The following AGAP1 variants were observed in gnomAD, a reference collection of about 807,000 sequenced individuals.
The protein encoded by AGAP1 is arf-GAP with GTPase, ANK repeat and PH domain-containing protein 1.
Under a neutral mutation model 105.3 loss-of-function variants are expected in AGAP1, and 29 were observed. The ratio of observed to expected loss-of-function variants is 0.28; its 90% CI spans 0.21 to 0.38. The LOEUF (loss-of-function observed/expected upper bound fraction) is 0.38. Among genes scored for constraint, AGAP1 ranks in the 10% least tolerant of loss-of-function variants. The pLI, the probability that AGAP1 is intolerant of heterozygous loss-of-function variation, is 1.00. For synonymous variants in AGAP1, 509 were observed against 485.9 expected (o/e 1.05, Z -0.63); for missense variants, 998 against 1,165.1 (o/e 0.86, Z 2.09).
intron 16 of AGAP1, among the ~76,000 whole-genome samples, chr2:236,071,680 C>A (rs975627109): frequency 6.6e-6 from 1 of 152,196 alleles, no homozygotes; most frequent in Non-Finnish European, 1.5e-5. Context: ...TTGGGCTGAT[C>A]TGTCTGAAAG....
chr2:235,598,988 C>T (rs944312133), intron 1 of AGAP1, among the ~76,000 whole-genome samples: 5 of 152,164 alleles, frequency 3.3e-5, no homozygotes, highest in Non-Finnish European at 7.3e-5. Context: ...AGCCTGTCTT[C>T]CTCTTGTTGA....
At position 235,872,551 on chromosome 2, in the gene AGAP1, G is replaced by A. The variant is rs923930215; in HGVS notation, c.1051-10794G>A. ...TGAGCATCTCAGGCAGAGCCTTCCG[G>A]CCTCTGTCATCTTCTGGCCAGTAGG... On this transcript the variant is annotated intron_variant, in intron 9 of 17. Transcript: ENST00000304032. The surrounding 1 kb of genome is among the most constrained non-coding windows in gnomAD (Gnocchi z 4.5). Among the ~76,000 whole-genome samples the A allele has an allele frequency of 1.3e-5, 2 of 152,186 alleles. No homozygotes were observed. The highest frequency in any genetic ancestry group is 4.8e-5 in the African/African-American group (2 of 41,430).
At chr2:235,624,533 A>G (rs981164234) in intron 1 of AGAP1, among the ~76,000 whole-genome samples, 1 of 152,206 alleles carries the variant, frequency 6.6e-6, no homozygotes, top group Admixed American at 6.5e-5. Context: ...TCCATTTAGA[A>G]CTTAAAATAT....
At chr2:235,607,421 T>C (rs1945981035) in intron 1 of AGAP1, among the ~76,000 whole-genome samples, 1 of 152,226 alleles carries the variant, frequency 6.6e-6, no homozygotes, top group African/African-American at 2.4e-5. Flanking sequence ...AGTCTACCTT[T>C]AGGGCTCCCC....
In AGAP1 at chr2:235,559,642, A is replaced by C. The variant is rs1304789113; in HGVS notation, c.163+64793A>C. Among the ~76,000 whole-genome samples the C allele has an allele frequency of 6.6e-6, 1 of 152,008 alleles. No individual in the cohort carries two copies. Among genetic ancestry groups the C allele is most frequent in the Non-Finnish European group, 1.5e-5 (1 of 68,018 alleles). ...ATATGTTACGTTATAGCCTCCCAGA[A>C]ATTTTCTATACCCCTGAAATTTAAC... On this transcript the variant is annotated intron_variant, in intron 1 of 17. Coordinates refer to ENST00000304032, the MANE Select transcript of AGAP1 (RefSeq NM_001037131.3). This position sits in a 1 kb window ranked among gnomAD's most constrained non-coding sequence, Gnocchi z 5.7.
intron 1 of AGAP1, among the ~76,000 whole-genome samples, chr2:235,603,645 G>A (rs1945814990): frequency 6.6e-6 from 1 of 152,186 alleles, no homozygotes; most frequent in African/African-American, 2.4e-5. Flanking sequence ...TCTCCTTTCA[G>A]TAAAATTATG....
rs1481511489 is a variant in AGAP1, at chr2:235,701,916, G to T, written c.164-7263G>T. ...TTGTTTTATATTTGGGGGCTTTACGGCTGCTTTAAACTAAAAATAAATGCT... is the reference window on the plus strand; with the variant it reads ...TTGTTTTATATTTGGGGGCTTTACGTCTGCTTTAAACTAAAAATAAATGCT... On this transcript the variant is annotated intron_variant, in intron 1 of 17. Transcript: ENST00000304032. This position sits in a 1 kb window ranked among gnomAD's most constrained non-coding sequence, Gnocchi z 4.1. 6.6e-6 allele frequency among the ~76,000 whole-genome samples: 1 copy of T among 152,038 alleles called. No homozygotes were observed. Among genetic ancestry groups the T allele is most frequent in the Non-Finnish European group, 1.5e-5 (1 of 68,030 alleles).
rs1216504317 is a variant in AGAP1 at position 235,732,133 on chromosome 2, A to G, written c.311-8830A>G. Among the ~76,000 whole-genome samples the G allele has an allele frequency of 6.6e-6, 1 of 152,158 alleles. No individual in the cohort carries two copies. Among genetic ancestry groups the G allele is most frequent in the Admixed American group, 6.5e-5 (1 of 15,276 alleles). ...TCAGATCTTTCTGCGTCTCAGGAAC[A>G]TTCCTTTGTCTTTTATCTTCGAATA... On this transcript the variant is annotated intron_variant, in intron 3 of 17. Coordinates refer to ENST00000304032, the MANE Select transcript of AGAP1 (RefSeq NM_001037131.3). This position sits in a 1 kb window ranked among gnomAD's most constrained non-coding sequence, Gnocchi z 4.8.
Position 236,089,716 on chromosome 2 carries a change from G to A in AGAP1, c.2115-30476G>A, listed in dbSNP as rs1486799847. Among the ~76,000 whole-genome samples, 1 of 152,192 alleles carries A rather than the reference G, an allele frequency of 6.6e-6. No individual in the cohort carries two copies. The highest frequency in any genetic ancestry group is 1.9e-4 in the East Asian group (1 of 5,196). On this transcript the variant is annotated intron_variant, in intron 16 of 17. Transcript: ENST00000304032. This position sits in a 1 kb window ranked among gnomAD's most constrained non-coding sequence, Gnocchi z 5.6. The stretch of plus-strand genomic sequence containing the variant: ...TATGCTGCTTTTCAGACATCCAAAT[G>A]GGGGATTGAACTGTGAGAGTGCAGG...
rs1946548745 is a variant in AGAP1, at chr2:235,623,437, C to G, written c.164-85742C>G. ...ACTTCACTTGGTCTGCACGTGGTGG[C>G]TTTGGGATTTGCTGCTTCAAGGTTT... On this transcript the variant is annotated intron_variant, in intron 1 of 17. Coordinates refer to ENST00000304032, the MANE Select transcript of AGAP1 (RefSeq NM_001037131.3). This position sits in a 1 kb window ranked among gnomAD's most constrained non-coding sequence, Gnocchi z 4.5. 6.6e-6 allele frequency among the ~76,000 whole-genome samples: 1 copy of G among 152,158 alleles called. No homozygotes were observed. Among genetic ancestry groups the G allele is most frequent in the Non-Finnish European group, 1.5e-5 (1 of 68,032 alleles).
In AGAP1 at chr2:235,600,727, A is replaced by G. The variant is rs1021652698; in HGVS notation, c.163+105878A>G. On this transcript the variant is annotated intron_variant, in intron 1 of 17. Coordinates refer to ENST00000304032, the MANE Select transcript of AGAP1 (RefSeq NM_001037131.3). This position sits in a 1 kb window ranked among gnomAD's most constrained non-coding sequence, Gnocchi z 4.8. ...CTGTTCATGTTTTTCTGCCTGCTTT[A>G]TATTTGCTGGCAGCTGATTAAATGA... Among the ~76,000 whole-genome samples, 2 of 152,104 alleles carry G rather than the reference A, an allele frequency of 1.3e-5. No homozygotes were observed. The highest frequency in any genetic ancestry group is 2.9e-5 in the Non-Finnish European group (2 of 68,038).
At chr2:235,658,034 G>C (rs1268796429) in intron 1 of AGAP1, among the ~76,000 whole-genome samples, 1 of 152,122 alleles carries the variant, frequency 6.6e-6, no homozygotes, top group East Asian at 1.9e-4. Flanking sequence ...AGGATAACTA[G>C]GTGTCTGTTG....
At chr2:235,538,460 T>TGTGTGTGTGTGTGTGTGC (rs1553561884) in intron 1 of AGAP1, among the ~76,000 whole-genome samples, 82 of 150,548 alleles carry the variant, frequency 5.4e-4, no homozygotes, top group African/African-American at 1.8e-3. Flanking sequence ...TGTGTGTGTG[T>TGTGTGTGTGTGTGTGTGC]GCATGCTTGT....
intron 9 of AGAP1, among the ~76,000 whole-genome samples, chr2:235,809,750 G>T (rs2150105158): frequency 6.6e-6 from 1 of 152,272 alleles, no homozygotes; most frequent in Non-Finnish European, 1.5e-5. Flanking sequence ...CTGAATTCCT[G>T]ACCTTCCTGG....
At chr2:235,760,995 T>C (rs1954393019) in intron 6 of AGAP1, among the ~76,000 whole-genome samples, 1 of 152,222 alleles carries the variant, frequency 6.6e-6, no homozygotes. Flanking sequence ...TTAATTATCA[T>C]TGTGCTCCAT....
rs888697186 is a variant in AGAP1 at position 235,982,624 on chromosome 2, T to G, written c.1645+14001T>G. Reference sequence around the variant, plus strand: ...TCATTGAAGGAACATAGAGAAGGTTTAGGCCCTGTTTCTTTTCGAGCAGCA... The same window carrying G: ...TCATTGAAGGAACATAGAGAAGGTTGAGGCCCTGTTTCTTTTCGAGCAGCA... On this transcript the variant is annotated intron_variant, in intron 13 of 17. Coordinates refer to ENST00000304032, the MANE Select transcript of AGAP1 (RefSeq NM_001037131.3). The surrounding 1 kb of genome is among the most constrained non-coding windows in gnomAD (Gnocchi z 4.9). Among the ~76,000 whole-genome samples, 1 of 152,232 alleles carries G rather than the reference T, an allele frequency of 6.6e-6. No individual in the cohort carries two copies. Among genetic ancestry groups the G allele is most frequent in the African/African-American group, 2.4e-5 (1 of 41,468 alleles).
rs1404725786 is a variant in AGAP1, at chr2:236,123,221, A to AT, written c.2371-697dup. Among the ~76,000 whole-genome samples, 2 of 152,112 alleles carry AT rather than the reference A, an allele frequency of 1.3e-5. No homozygotes were observed. Among genetic ancestry groups the AT allele is most frequent in the African/African-American group, 4.8e-5 (2 of 41,416 alleles). The stretch of plus-strand genomic sequence containing the variant: ...CCTGCATAGCTGGGACCACAGGCAT[A>AT]TGCCACGTGCCCAGCTAATTTTTTT... On this transcript the variant is annotated intron_variant, in intron 17 of 17. Transcript: ENST00000304032. The surrounding 1 kb of genome is among the most constrained non-coding windows in gnomAD (Gnocchi z 4.6).
In AGAP1 at chr2:236,070,046, G is replaced by A. The variant is rs141449980; in HGVS notation, c.2114+20765G>A. ...GGCACACTGGTCCACTGTCAGTGGC[G>A]CCTAGAGCCCTGGCATCTGCTGGCT... is the stretch of plus-strand genomic sequence containing the variant. On this transcript the variant is annotated intron_variant, in intron 16 of 17. Transcript: ENST00000304032. Among the ~76,000 whole-genome samples the A allele has an allele frequency of 2.2e-3, 339 of 152,358 alleles. 1 individual carries two copies. The highest frequency in any genetic ancestry group is 7.7e-3 in the African/African-American group (321 of 41,592).
At position 235,596,839 on chromosome 2, in the gene AGAP1, G is replaced by A. The variant is rs1379025067; in HGVS notation, c.163+101990G>A. 6.6e-6 allele frequency among the ~76,000 whole-genome samples: 1 copy of A among 152,132 alleles called. No homozygotes were observed. The highest frequency in any genetic ancestry group is 1.5e-5 in the Non-Finnish European group (1 of 68,030). ...GATGGTATTAGGAGGTGGGTCTGTGGGAGGTATCAGGTCATGGGAGTGGAC... is the reference window on the plus strand; with the variant it reads ...GATGGTATTAGGAGGTGGGTCTGTGAGAGGTATCAGGTCATGGGAGTGGAC... On this transcript the variant is annotated intron_variant, in intron 1 of 17. Transcript: ENST00000304032. The surrounding 1 kb of genome is among the most constrained non-coding windows in gnomAD (Gnocchi z 5.9).
Sources: gnomAD v4.1 joint callset for allele counts (sites outside exome capture counted in the v4.1 genomes callset) on GRCh38, gnomAD v4.1.1 for gene constraint, Gnocchi (gnomAD v3.1) non-coding constraint, MANE v1.5 for transcripts, NCBI Gene and HGNC (gene_info 2026-07-23, HGNC 2026-07-21) for gene names.